The following SCFD2 variants were observed in gnomAD, a reference collection of about 807,000 sequenced individuals.
SCFD2 encodes sec1 family domain-containing protein 2.
A neutral mutation model predicts 58.9 loss-of-function variants in SCFD2; 54 were observed. The ratio of observed to expected loss-of-function variants is 0.92; its 90% CI spans 0.74 to 1.15. SCFD2 has a LOEUF of 1.15. Among genes scored for constraint, SCFD2 ranks in the 50% most tolerant of loss-of-function variants. The pLI is 0.00. For synonymous variants in SCFD2, 321 were observed against 335.9 expected (o/e 0.96, Z 0.49); for missense variants, 805 against 836.6 (o/e 0.96, Z 0.47).
rs142797028 is a variant in SCFD2 at position 53,309,043 on chromosome 4, G to C, written c.1135+4593C>G. 2.0e-3 allele frequency among the ~76,000 whole-genome samples: 307 copies of C among 152,078 alleles called. 1 individual carries two copies. Among genetic ancestry groups the C allele is most frequent in the African/African-American group, 7.1e-3 (296 of 41,488 alleles). On this transcript the variant is annotated intron_variant, in intron 3 of 8. Coordinates refer to ENST00000401642, the MANE Select transcript of SCFD2 (RefSeq NM_152540.4). ...AGCTACTCGGAAGGCTGAGGCAGGAGAATCGCTTGAACCCAGGCGGCGGAG... is the reference window on the plus strand; with the variant it reads ...AGCTACTCGGAAGGCTGAGGCAGGACAATCGCTTGAACCCAGGCGGCGGAG...
At chr4:53,015,088 G>T (rs1178021378) in intron 5 of SCFD2, among the ~76,000 whole-genome samples, 2 of 152,110 alleles carry the variant, frequency 1.3e-5, no homozygotes, top group Non-Finnish European at 2.9e-5. Context: ...AGGAGAAAAG[G>T]CACTGTGTTA....
rs567225958 is a variant in SCFD2, at chr4:52,953,964, G to A, written c.1562-33094C>T. On this transcript the variant is annotated intron_variant, in intron 5 of 8. Transcript: ENST00000401642. ...CCAGGCTGCCTGGGTTCAAATCCTG[G>A]TTCTGCCACCTACTAGCTATGTAAC... is the stretch of plus-strand genomic sequence containing the variant. 2.0e-5 allele frequency among the ~76,000 whole-genome samples: 3 copies of A among 152,294 alleles called. No homozygotes were observed. In the South Asian group the frequency reaches 6.2e-4, roughly 32 times the overall value.
chr4:53,186,280 C>T (rs1577818597), intron 4 of SCFD2, among the ~76,000 whole-genome samples: 1 of 152,166 alleles, frequency 6.6e-6, no homozygotes, highest in East Asian at 1.9e-4. Flanking sequence ...CTACCTCCCC[C>T]TTTTCCCACT....
intron 3 of SCFD2, among the ~76,000 whole-genome samples, chr4:53,297,309 A>G (rs1235920081): frequency 6.6e-6 from 1 of 152,102 alleles, no homozygotes; most frequent in African/African-American, 2.4e-5. Flanking sequence ...TTGCTTTATG[A>G]ATCTGGGTGC....
intron 7 of SCFD2, among the ~76,000 whole-genome samples, chr4:52,898,161 G>C (rs1414881853): frequency 6.6e-6 from 1 of 152,012 alleles, no homozygotes; most frequent in Non-Finnish European, 1.5e-5. Flanking sequence ...CTTCAGTTCT[G>C]CTCTGATCTT....
At chr4:53,274,495 G>C (rs1731270481) in intron 3 of SCFD2, among the ~76,000 whole-genome samples, 1 of 152,114 alleles carries the variant, frequency 6.6e-6, no homozygotes, top group Admixed American at 6.5e-5. Context: ...CAATATTCGT[G>C]AGATAAAAGC....
chr4:52,963,371 T>G (rs539292164), intron 5 of SCFD2, among the ~76,000 whole-genome samples: 8 of 152,214 alleles, frequency 5.3e-5, no homozygotes, highest in Admixed American at 1.3e-4. Flanking sequence ...TTTAAAAATG[T>G]TCACATATAC....
chr4:52,896,938 C>G (rs1457515844), intron 7 of SCFD2, among the ~76,000 whole-genome samples: 1 of 152,132 alleles, frequency 6.6e-6, no homozygotes, highest in Non-Finnish European at 1.5e-5. Flanking sequence ...AATGGGAGTT[C>G]ACTCATGATT....
chr4:53,337,570 C>T (rs941847263), intron 2 of SCFD2, among the ~76,000 whole-genome samples: 24 of 152,094 alleles, frequency 1.6e-4, no homozygotes, highest in African/African-American at 5.8e-4. Context: ...AAGAACAACC[C>T]ATAAATTATA....
At chr4:53,134,120 G>T (rs898631935) in intron 5 of SCFD2, among the ~76,000 whole-genome samples, 1 of 152,160 alleles carries the variant, frequency 6.6e-6, no homozygotes, top group Non-Finnish European at 1.5e-5. Context: ...TTTATATGAG[G>T]TATAGGTAAA....
chr4:53,226,167 G>A (rs777093599), intron 4 of SCFD2, among the ~76,000 whole-genome samples: 18 of 151,852 alleles, frequency 1.2e-4, no homozygotes, highest in Non-Finnish European at 1.5e-4. Flanking sequence ...ATTGTTCTTA[G>A]CCACATATTA....
At chr4:53,077,948 C>G (rs1047233644) in intron 5 of SCFD2, among the ~76,000 whole-genome samples, 3 of 152,054 alleles carry the variant, frequency 2.0e-5, no homozygotes, top group African/African-American at 7.2e-5. Flanking sequence ...GGCCAAAATT[C>G]TACGTGAGAG....
intron 5 of SCFD2, among the ~76,000 whole-genome samples, chr4:52,953,202 C>T (rs1367685661): frequency 6.6e-6 from 1 of 152,154 alleles, no homozygotes; most frequent in Non-Finnish European, 1.5e-5. Context: ...CTATCACTGC[C>T]TCCACATGGC....
At chr4:53,055,355 G>T (rs1723305817) in intron 5 of SCFD2, among the ~76,000 whole-genome samples, 1 of 152,100 alleles carries the variant, frequency 6.6e-6, no homozygotes, top group Non-Finnish European at 1.5e-5. Context: ...CCCACATAAT[G>T]GTGGACGACA....
intron 4 of SCFD2, among the ~76,000 whole-genome samples, chr4:53,238,083 C>G (rs1577879603): frequency 7.8e-6 from 1 of 128,354 alleles, no homozygotes; most frequent in African/African-American, 3.0e-5. Context: ...CCGGATGGGG[C>G]GGCTGGCCGG....
intron 5 of SCFD2, among the ~76,000 whole-genome samples, chr4:53,014,766 G>A (rs1466672561): frequency 2.0e-5 from 3 of 152,116 alleles, no homozygotes; most frequent in Non-Finnish European, 2.9e-5. Flanking sequence ...ATAAATACAC[G>A]AGCTTGGTGG....
intron 2 of SCFD2, among the ~76,000 whole-genome samples, chr4:53,317,988 C>G (rs1042703235): frequency 2.6e-5 from 4 of 152,052 alleles, no homozygotes; most frequent in Non-Finnish European, 4.4e-5. Flanking sequence ...TAGAAGGAAG[C>G]CTTTTGTAGA....
intron 5 of SCFD2, among the ~76,000 whole-genome samples, chr4:53,137,351 A>G (rs369578662): frequency 6.6e-6 from 1 of 152,250 alleles, no homozygotes; most frequent in East Asian, 1.9e-4. Flanking sequence ...CATCCAGCGC[A>G]TGACCATGAT....
In SCFD2 at chr4:52,970,135, G is replaced by A. The variant is rs556856755; in HGVS notation, c.1562-49265C>T. Among the ~76,000 whole-genome samples the A allele has an allele frequency of 7.9e-5, 12 of 152,290 alleles. No individual in the cohort carries two copies. In the South Asian group the frequency reaches 1.5e-3, roughly 18 times the overall value. On this transcript the variant is annotated intron_variant, in intron 5 of 8. Transcript: ENST00000401642. ...TTTCTTCATTTCCAACTGAGGTACC[G>A]GGCTCATCTCACTGGGGAGTGTTGG... is the stretch of plus-strand genomic sequence containing the variant.
Sources: allele counts gnomAD v4.1 joint callset (sites outside exome capture counted in the v4.1 genomes callset), GRCh38; gene constraint gnomAD v4.1.1; transcripts MANE v1.5; gene names NCBI Gene and HGNC (gene_info 2026-07-23, HGNC 2026-07-21).